The following PLCL2 variants were observed in gnomAD, a reference collection of about 807,000 sequenced individuals.
PLCL2 encodes the protein phospholipase C like 2, also known as inactive phospholipase C-like protein 2.
In PLCL2, 4 loss-of-function variants were observed where a neutral mutation model predicts 79.6. The ratio of observed to expected loss-of-function variants is 0.05; its 90% CI spans 0.02 to 0.11. PLCL2 has a LOEUF of 0.11. Ranked by LOEUF, PLCL2 falls within the 10% of genes least tolerant of loss-of-function variation. PLCL2 has a pLI of 1.00. For synonymous variants in PLCL2, 484 were observed against 457.7 expected (o/e 1.06, Z -0.73); for missense variants, 895 against 1,291.0 (o/e 0.69, Z 4.70).
intron 1 of PLCL2, among the ~76,000 whole-genome samples, chr3:16,984,554 A>G (rs1559508205): frequency 6.6e-6 from 1 of 152,184 alleles, no homozygotes; most frequent in African/African-American, 2.4e-5. Flanking sequence ...TGAGCTGATG[A>G]TAAATCATAA....
intron 1 of PLCL2, among the ~76,000 whole-genome samples, chr3:16,895,140 C>T (rs915773484): frequency 2.1e-5 from 3 of 145,334 alleles, no homozygotes; most frequent in African/African-American, 5.0e-5. Context: ...GTATCTATAT[C>T]GATATAGATA....
chr3:17,037,487 C>T (rs2064670459), intron 3 of PLCL2, among the ~76,000 whole-genome samples: 1 of 152,120 alleles, frequency 6.6e-6, no homozygotes, highest in South Asian at 2.1e-4. Flanking sequence ...ACTGTCTAGC[C>T]TTTTTCTTTT....
At chr3:17,039,096 G>A (rs978446569) in intron 3 of PLCL2, among the ~76,000 whole-genome samples, 1 of 152,214 alleles carries the variant, frequency 6.6e-6, no homozygotes, top group Non-Finnish European at 1.5e-5. Context: ...AGTACATACT[G>A]ATGCAGAGAT....
chr3:17,082,518 A>T (rs144067049), intron 5 of PLCL2, among the ~76,000 whole-genome samples: 1 of 152,292 alleles, frequency 6.6e-6, no homozygotes, highest in African/African-American at 2.4e-5. Context: ...AATGAAAGTG[A>T]TGTGGACAAA....
intron 1 of PLCL2, among the ~76,000 whole-genome samples, chr3:16,949,623 T>C (rs560074651): frequency 6.6e-6 from 1 of 152,290 alleles, no homozygotes; most frequent in Admixed American, 6.5e-5. Context: ...TAAATTTAGA[T>C]GTAGTCAAAT....
At chr3:16,973,796 G>C (rs1008624496) in intron 1 of PLCL2, among the ~76,000 whole-genome samples, 14 of 152,168 alleles carry the variant, frequency 9.2e-5, no homozygotes, top group African/African-American at 3.1e-4. Context: ...AATAGAAATA[G>C]TCATGATTTT....
intron 1 of PLCL2, among the ~76,000 whole-genome samples, chr3:16,944,087 C>G (rs1022756215): frequency 3.3e-5 from 5 of 152,208 alleles, no homozygotes; most frequent in African/African-American, 1.2e-4. Flanking sequence ...ATTGCACTTA[C>G]TAGCTGTGTG....
At chr3:16,939,501 T>C (rs1697624761) in intron 1 of PLCL2, among the ~76,000 whole-genome samples, 1 of 152,194 alleles carries the variant, frequency 6.6e-6, no homozygotes, top group South Asian at 2.1e-4. Context: ...TCCACAGTTA[T>C]TTGTGAATGT....
intron 3 of PLCL2, among the ~76,000 whole-genome samples, chr3:17,036,874 G>A (rs1264785990): frequency 2.0e-5 from 3 of 152,192 alleles, no homozygotes; most frequent in Non-Finnish European, 2.9e-5. Context: ...TCCTCACGTG[G>A]TGGGAGACAG....
intron 1 of PLCL2, among the ~76,000 whole-genome samples, chr3:16,979,365 T>TGA: frequency 2.8e-5 from 2 of 71,648 alleles, no homozygotes; most frequent in Non-Finnish European, 2.9e-5. Context: ...TTTTTAATCA[T>TGA]TCTTGGGTGT....
chr3:16,957,321 C>G (rs2063715386), intron 1 of PLCL2, among the ~76,000 whole-genome samples: 2 of 152,146 alleles, frequency 1.3e-5, no homozygotes, highest in Non-Finnish European at 2.9e-5. Flanking sequence ...TGTTCAGTTT[C>G]CATGTAGTTG....
chr3:16,932,110 T>C (rs1697415880), intron 1 of PLCL2, among the ~76,000 whole-genome samples: 1 of 152,160 alleles, frequency 6.6e-6, no homozygotes, highest in Admixed American at 6.5e-5. Flanking sequence ...GAAACAAATT[T>C]ATGTTGTTTT....
At chr3:16,947,309 A>G (rs1018172494) in intron 1 of PLCL2, among the ~76,000 whole-genome samples, 1 of 152,134 alleles carries the variant, frequency 6.6e-6, no homozygotes, top group Non-Finnish European at 1.5e-5. Flanking sequence ...AAACTGCTAA[A>G]AGAGCAGTAA....
intron 1 of PLCL2, among the ~76,000 whole-genome samples, chr3:16,929,964 G>A (rs1486610894): frequency 2.0e-5 from 3 of 152,154 alleles, no homozygotes; most frequent in Non-Finnish European, 4.4e-5. Context: ...AGAGTCTTGG[G>A]AAGACAGAGG....
At chr3:17,066,475 A>G (rs1307858291) in intron 4 of PLCL2, among the ~76,000 whole-genome samples, 5 of 152,238 alleles carry the variant, frequency 3.3e-5, no homozygotes, top group Non-Finnish European at 5.9e-5. Flanking sequence ...CCATGTAAAG[A>G]GTTGCTTCGA....
chr3:16,925,048 C>T (rs1007045192), intron 1 of PLCL2, among the ~76,000 whole-genome samples: 2 of 151,844 alleles, frequency 1.3e-5, no homozygotes, highest in Admixed American at 6.5e-5. Context: ...CTCAGCCTCC[C>T]GTGTAGCTGG....
chr3:16,921,736 C>T (rs1462637459), intron 1 of PLCL2, among the ~76,000 whole-genome samples: 1 of 152,032 alleles, frequency 6.6e-6, no homozygotes, highest in Admixed American at 6.6e-5. Flanking sequence ...TTTCTGAAGA[C>T]AGGTGTAAAT....
intron 2 of PLCL2, among the ~76,000 whole-genome samples, chr3:17,012,461 T>C (rs1287128384): frequency 6.6e-6 from 1 of 152,206 alleles, no homozygotes; most frequent in East Asian, 1.9e-4. Context: ...ATAGTATACA[T>C]GGGAATCTCT....
At chr3:17,083,723 T>TGACA (rs2065187205) in intron 5 of PLCL2, among the ~76,000 whole-genome samples, 1 of 152,170 alleles carries the variant, frequency 6.6e-6, no homozygotes, top group African/African-American at 2.4e-5. Flanking sequence ...TAGGACCTAC[T>TGACA]GACAGATGGG....
Sources: allele counts gnomAD v4.1 joint callset (sites outside exome capture counted in the v4.1 genomes callset), GRCh38; gene constraint gnomAD v4.1.1; transcripts MANE v1.5; gene names NCBI Gene and HGNC (gene_info 2026-07-23, HGNC 2026-07-21).